TTLL11: variants seen among roughly 807,000 people sequenced by gnomAD.
TTLL11 encodes tubulin polyglutamylase TTLL11.
In TTLL11, 42 loss-of-function variants were observed where a neutral mutation model predicts 51.7. The observed-to-expected ratio is 0.81, with a 90% CI of 0.64 to 1.05. TTLL11 has a LOEUF of 1.05. Among genes scored for constraint, TTLL11 ranks in the 50% least tolerant of loss-of-function variants. The probability of loss-of-function intolerance (pLI) is 0.00; values close to 1 mark genes in which losing one functional copy is unlikely to be tolerated. For missense variants in TTLL11, 799 were observed against 940.4 expected, an observed-to-expected ratio of 0.85 and a Z score of 1.97; for synonymous variants, 381 against 383.5, an observed-to-expected ratio of 0.99 and a Z score of 0.08.
chr9:121,972,696 T>A (rs759577428), intron 6 of TTLL11, among the ~76,000 whole-genome samples: 7 of 152,254 alleles, frequency 4.6e-5, no homozygotes, highest in Non-Finnish European at 1.0e-4. Flanking sequence ...CACAGCAGAA[T>A]CACCTAGGGA....
intron 6 of TTLL11, among the ~76,000 whole-genome samples, chr9:121,892,207 TATATAC>T (rs1431654044): frequency 7.4e-5 from 11 of 148,594 alleles, no homozygotes; most frequent in South Asian, 4.2e-4. Context: ...CATATATACA[TATATAC>T]ATATATATAT....
intron 6 of TTLL11, among the ~76,000 whole-genome samples, chr9:121,922,891 T>C (rs190549400): frequency 6.6e-5 from 10 of 151,834 alleles, no homozygotes; most frequent in Admixed American, 6.6e-4. Context: ...AAATAGTAAA[T>C]ACAAACAGTT....
At chr9:121,883,118 G>A (rs532244922) in intron 6 of TTLL11, among the ~76,000 whole-genome samples, 132 of 152,192 alleles carry the variant, frequency 8.7e-4, no homozygotes, top group Admixed American at 1.8e-3. Flanking sequence ...TCAGCTTATG[G>A]GTCTATAAAC....
intron 6 of TTLL11, among the ~76,000 whole-genome samples, chr9:121,905,286 C>T (rs1839904111): frequency 6.6e-6 from 1 of 152,088 alleles, no homozygotes; most frequent in African/African-American, 2.4e-5. Context: ...CTCTTGGATG[C>T]ACATAATATT....
intron 3 of TTLL11, among the ~76,000 whole-genome samples, chr9:122,016,145 A>G (rs752006510): frequency 4.6e-5 from 7 of 152,200 alleles, no homozygotes; most frequent in Non-Finnish European, 8.8e-5. Flanking sequence ...AACTAACAAA[A>G]TTGTCAGGTG....
At chr9:121,859,837 C>A (rs747115439) in intron 8 of TTLL11, among the ~76,000 whole-genome samples, 14 of 152,194 alleles carry the variant, frequency 9.2e-5, no homozygotes, top group Non-Finnish European at 1.9e-4. Context: ...TCCCGTACAC[C>A]CTTCTCCTGA....
At chr9:122,072,904 CA>C (rs1468736855) in intron 1 of TTLL11, among the ~76,000 whole-genome samples, 3 of 152,154 alleles carry the variant, frequency 2.0e-5, no homozygotes, top group Non-Finnish European at 4.4e-5. Context: ...AAGGGACACA[CA>C]GGGTGTCATT....
At chr9:121,916,474 C>T (rs1840331473) in intron 6 of TTLL11, among the ~76,000 whole-genome samples, 1 of 151,584 alleles carries the variant, frequency 6.6e-6, no homozygotes, top group Non-Finnish European at 1.5e-5. Flanking sequence ...GAATTATTTA[C>T]AAGGAAGATG....
At chr9:121,861,478 A>G (rs145674349) in intron 7 of TTLL11, among the ~76,000 whole-genome samples, 1 of 152,278 alleles carries the variant, frequency 6.6e-6, no homozygotes, top group African/African-American at 2.4e-5. Flanking sequence ...CCTCATCTAT[A>G]AAACAGGTGG....
intron 8 of TTLL11, among the ~76,000 whole-genome samples, chr9:121,847,238 C>G (rs1474806545): frequency 1.4e-5 from 2 of 147,580 alleles, no homozygotes; most frequent in Non-Finnish European, 3.0e-5. Context: ...AATCAGAACA[C>G]AAATTAATGA....
At chr9:122,075,378 C>G (rs1295312739) in intron 1 of TTLL11, among the ~76,000 whole-genome samples, 1 of 152,148 alleles carries the variant, frequency 6.6e-6, no homozygotes, top group Non-Finnish European at 1.5e-5. Context: ...AACTTCCAGG[C>G]CTCAATATAT....
intron 3 of TTLL11, among the ~76,000 whole-genome samples, chr9:121,993,192 C>G (rs1358956714): frequency 1.3e-5 from 2 of 152,120 alleles, no homozygotes; most frequent in Non-Finnish European, 2.9e-5. Context: ...AAAATAAGTT[C>G]TGGACATGGA....
intron 6 of TTLL11, among the ~76,000 whole-genome samples, chr9:121,899,799 T>C (rs1839703522): frequency 6.6e-6 from 1 of 152,214 alleles, no homozygotes; most frequent in African/African-American, 2.4e-5. Flanking sequence ...GGTTTTTGTC[T>C]GTTTCATTCT....
intron 6 of TTLL11, among the ~76,000 whole-genome samples, chr9:121,949,923 C>T (rs547431792): frequency 6.6e-6 from 1 of 152,114 alleles, no homozygotes; most frequent in South Asian, 2.1e-4. Flanking sequence ...GTCTTCAGTC[C>T]TTCCTGTTCT....
intron 6 of TTLL11, among the ~76,000 whole-genome samples, chr9:121,923,272 T>C (rs547231085): frequency 1.3e-5 from 2 of 152,274 alleles, no homozygotes; most frequent in East Asian, 1.9e-4. Flanking sequence ...GAGGATTGCA[T>C]AGCAATGTGC....
At chr9:121,927,256 T>C (rs1057234551) in intron 6 of TTLL11, among the ~76,000 whole-genome samples, 1 of 152,278 alleles carries the variant, frequency 6.6e-6, no homozygotes, top group Non-Finnish European at 1.5e-5. Flanking sequence ...GAGCTTACAA[T>C]GCTCTCAGCA....
At chr9:122,029,977 A>G (rs1315486512) in intron 3 of TTLL11, among the ~76,000 whole-genome samples, 1 of 152,152 alleles carries the variant, frequency 6.6e-6, no homozygotes, top group Non-Finnish European at 1.5e-5. Context: ...GTATCCTAGG[A>G]GCGATAGGCT....
rs891522466 is a variant in TTLL11, at chr9:121,947,743, G to A, written c.1481+26266C>T. ...AGTTTCAATATTGGAATGCTGGATGGGAGCCTCCTATTACAGAATAACAAG... is the reference window on the plus strand; with the variant it reads ...AGTTTCAATATTGGAATGCTGGATGAGAGCCTCCTATTACAGAATAACAAG... On this transcript the variant is annotated intron_variant, in intron 6 of 8. Transcript: ENST00000321582. Among the ~76,000 whole-genome samples the A allele has an allele frequency of 1.3e-5, 2 of 152,264 alleles. 1 individual carries two copies. Among genetic ancestry groups the A allele is most frequent in the South Asian group, 4.2e-4 (2 of 4,814 alleles).
At chr9:122,024,227 T>C (rs1042841504) in intron 3 of TTLL11, among the ~76,000 whole-genome samples, 24 of 151,996 alleles carry the variant, frequency 1.6e-4, no homozygotes, top group Non-Finnish European at 2.1e-4. Context: ...TAAGGGAAAA[T>C]TGTGACAAAA....
Sources: allele counts gnomAD v4.1 joint callset (sites outside exome capture counted in the v4.1 genomes callset), GRCh38; gene constraint gnomAD v4.1.1; transcripts MANE v1.5; gene names NCBI Gene and HGNC (gene_info 2026-07-23, HGNC 2026-07-21).